The following CCDC144A variants were observed in gnomAD, a reference collection of about 807,000 sequenced individuals.
The protein encoded by CCDC144A is coiled-coil domain-containing protein 144A.
A neutral mutation model predicts 143.8 loss-of-function variants in CCDC144A; 41 were observed. The observed-to-expected ratio is 0.29, with a 90% CI of 0.22 to 0.37. The LOEUF (loss-of-function observed/expected upper bound fraction) is 0.37, where lower values mean the gene tolerates loss of function less well. Ranked by LOEUF, CCDC144A falls within the 10% of genes least tolerant of loss-of-function variation. The pLI is 1.00. For missense variants in CCDC144A, 637 were observed against 1,488.8 expected, an observed-to-expected ratio of 0.43 and a Z score of 9.41; for synonymous variants, 242 against 517.9, an observed-to-expected ratio of 0.47 and a Z score of 7.23.
At chr17:16,675,679 A>C in the CCDC144A span, among the ~76,000 whole-genome samples, 1 of 150,812 alleles carries the variant, frequency 6.6e-6, no homozygotes, top group African/African-American at 2.4e-5. Context: ...CCACTAAGTG[A>C]TTTCCAGCTC....
the CCDC144A span, among the ~76,000 whole-genome samples, chr17:16,679,142 T>G: frequency 1.3e-5 from 2 of 151,904 alleles, no homozygotes. Context: ...TGGCCTCAAG[T>G]GATTTTCTCC....
chr17:16,670,122 A>C, the CCDC144A span, among the ~76,000 whole-genome samples: 3 of 151,652 alleles, frequency 2.0e-5, no homozygotes, highest in Admixed American at 2.0e-4. Context: ...CAGAGGTTGC[A>C]GTGAGCTGAG....
chr17:16,690,553 C>T lies in CCDC144A; in HGVS notation c.153C>T (p.Tyr51=). The T allele has an allele frequency of 6.2e-7, 1 of 1,613,840 alleles. No homozygotes were observed. The highest frequency in any genetic ancestry group is 1.1e-5 in the South Asian group (1 of 91,064). Residue 51 remains tyrosine (Y), a synonymous_variant, in exon 1 of 17, where the codon TAC becomes TAT. Transcript: ENST00000399273. Reference sequence around the variant, plus strand: ...ACCAGTGGTCCTCGGGCTTCCCCTACAGCTGGTGGAAAAACAGCGTCGGCA... The same window carrying T: ...ACCAGTGGTCCTCGGGCTTCCCCTATAGCTGGTGGAAAAACAGCGTCGGCA... ...PGDQWSSGFP[Y]SWWKNSVGSE...
At chr17:16,667,288 T>TGAGGAGGCTGAGGCGGCTGAGGCGGC in the CCDC144A span, among the ~76,000 whole-genome samples, 7 of 128,044 alleles carry the variant, frequency 5.5e-5, no homozygotes, top group Non-Finnish European at 1.2e-4. Context: ...GGCTGAGGGG[T>TGAGGAGGCTGAGGCGGCTGAGGCGGC]TGAGGCGGCT....
intron 6 of CCDC144A, among the ~76,000 whole-genome samples, chr17:16,715,074 C>T (rs914077085): frequency 1.3e-5 from 2 of 151,866 alleles, no homozygotes; most frequent in African/African-American, 4.8e-5. Flanking sequence ...CACTATCCCT[C>T]CTCTCAAACC....
At chr17:16,729,811 C>T (rs1462702403) in intron 9 of CCDC144A, among the ~76,000 whole-genome samples, 3 of 149,074 alleles carry the variant, frequency 2.0e-5, no homozygotes, top group Non-Finnish European at 4.4e-5. Context: ...CCTTGGCCTC[C>T]GTGTCACTGC....
chr17:16,750,813 C>G (rs1290445222), intron 12 of CCDC144A, among the ~76,000 whole-genome samples: 1 of 152,044 alleles, frequency 6.6e-6, no homozygotes, highest in Non-Finnish European at 1.5e-5. Flanking sequence ...TAATCCTTCC[C>G]TCCGCTTGGT....
the CCDC144A span, among the ~76,000 whole-genome samples, chr17:16,673,845 T>A: frequency 0.093 from 14,186 of 152,184 alleles, 996 homozygotes; most frequent in East Asian, 0.32. Flanking sequence ...TTATTTTTTT[T>A]AAATTATTTT....
At chr17:16,682,214 T>A in the CCDC144A span, among the ~76,000 whole-genome samples, 129 of 151,346 alleles carry the variant, frequency 8.5e-4, 6 homozygotes, top group South Asian at 0.026. Flanking sequence ...TGTGTGTGTG[T>A]GTGTGTGTGT....
chr17:16,673,445 G>A, the CCDC144A span, among the ~76,000 whole-genome samples: 1 of 148,356 alleles, frequency 6.7e-6, no homozygotes, highest in Non-Finnish European at 1.5e-5. Flanking sequence ...GGAGTACAGT[G>A]GCGCCACAGT....
chr17:16,763,026 G>T (rs1915446147), intron 14 of CCDC144A, among the ~76,000 whole-genome samples: 1 of 150,726 alleles, frequency 6.6e-6, no homozygotes, highest in African/African-American at 2.5e-5. Context: ...CACTTTGCTT[G>T]ATTGTGATCA....
At chr17:16,745,978 G>T in intron 12 of CCDC144A, 3 of 1,609,598 alleles carry the variant, frequency 1.9e-6, no homozygotes, top group South Asian at 2.2e-5. Context: ...TCATCCACAT[G>T]GTGTCTTTGT....
chr17:16,687,372 G>T (rs1910821123), upstream of CCDC144A, among the ~76,000 whole-genome samples: 2 of 152,030 alleles, frequency 1.3e-5, no homozygotes, highest in Admixed American at 1.3e-4. Flanking sequence ...CCCCCGCAGG[G>T]ATAACATTCT....
At chr17:16,726,339 C>A (rs971473109) in intron 8 of CCDC144A, among the ~76,000 whole-genome samples, 1 of 149,234 alleles carries the variant, frequency 6.7e-6, no homozygotes, top group Non-Finnish European at 1.5e-5. Context: ...CGAGATCAAG[C>A]CACTGCACTC....
rs560812288 is a variant in CCDC144A, at chr17:16,756,436, T to C, written c.3373-4989T>C. On this transcript the variant is annotated intron_variant, in intron 12 of 16. Transcript: ENST00000399273. ...TGTTTTTATTTTATGTATTGAATTC[T>C]CAGTTCCAGGATTTCTGTTTGGTTC... Among the ~76,000 whole-genome samples the C allele has an allele frequency of 7.6e-4, 116 of 151,668 alleles. 1 individual carries two copies. The highest frequency in any genetic ancestry group is 2.7e-3 in the African/African-American group (112 of 41,030).
chr17:16,672,262 G>A, the CCDC144A span, among the ~76,000 whole-genome samples: 2 of 152,118 alleles, frequency 1.3e-5, no homozygotes, highest in East Asian at 1.9e-4. Flanking sequence ...GATTTTATGT[G>A]TATGTTTGGT....
At chr17:16,771,408 A>C (rs2143413741) in intron 15 of CCDC144A, among the ~76,000 whole-genome samples, 1 of 152,392 alleles carries the variant, frequency 6.6e-6, no homozygotes, top group South Asian at 2.1e-4. Flanking sequence ...AAGAAATGTT[A>C]ATCATAATAG....
chr17:16,710,066 G>A (rs1242805260), intron 5 of CCDC144A: 8 of 195,596 alleles, frequency 4.1e-5, no homozygotes, highest in South Asian at 8.8e-5. Flanking sequence ...TCTAGCAGGC[G>A]TGGTGGCAAA....
At chr17:16,684,347 T>A in the CCDC144A span, 1 of 665,774 alleles carries the variant, frequency 1.5e-6, no homozygotes, top group Non-Finnish European at 2.7e-6. Context: ...GAAGTTAATA[T>A]CATAATATAT....
Sources: allele counts gnomAD v4.1 joint callset (sites outside exome capture counted in the v4.1 genomes callset), GRCh38; gene constraint gnomAD v4.1.1; transcripts MANE v1.5; gene names NCBI Gene and HGNC (gene_info 2026-07-23, HGNC 2026-07-21).